Variants in DEPDC1B observed in about 807,000 individuals in gnomAD.
DEPDC1B encodes DEP domain containing 1B.
DEPDC1B carries 51 observed loss-of-function variants against 66.5 expected under a neutral mutation model. That is an observed-to-expected ratio of 0.77 (90% CI 0.61 to 0.97). DEPDC1B has a LOEUF of 0.97. Ranked by LOEUF, DEPDC1B falls within the 50% of genes least tolerant of loss-of-function variation. The probability of loss-of-function intolerance (pLI) is 0.00; values close to 1 mark genes in which losing one functional copy is unlikely to be tolerated. For synonymous variants in DEPDC1B, 226 were observed against 223.6 expected, an observed-to-expected ratio of 1.01 and a Z score of -0.10; for missense variants, 552 against 637.1, an observed-to-expected ratio of 0.87 and a Z score of 1.44.
At chr5:60,614,275 A>C (rs182266253) in intron 7 of DEPDC1B, among the ~76,000 whole-genome samples, 302 of 152,282 alleles carry the variant, frequency 2.0e-3, no homozygotes, top group Admixed American at 8.2e-3. Context: ...ACTTTTAAAA[A>C]TCACTTTAAT....
chr5:60,609,327 T>C (rs1752370863), intron 7 of DEPDC1B, among the ~76,000 whole-genome samples: 1 of 152,182 alleles, frequency 6.6e-6, no homozygotes, highest in South Asian at 2.1e-4. Flanking sequence ...CTGGGACTCC[T>C]CTACGATTTC....
At chr5:60,693,791 T>A (rs1282539808) in intron 1 of DEPDC1B, among the ~76,000 whole-genome samples, 2 of 152,122 alleles carry the variant, frequency 1.3e-5, no homozygotes, top group Non-Finnish European at 2.9e-5. Context: ...TTTTAATACA[T>A]GCCCTGATAC....
intron 2 of DEPDC1B, among the ~76,000 whole-genome samples, chr5:60,675,721 C>G (rs1754139693): frequency 6.6e-6 from 1 of 152,046 alleles, no homozygotes; most frequent in Admixed American, 6.6e-5. Context: ...CCTTCCTTTT[C>G]AGCCCCACGG....
intron 7 of DEPDC1B, 51 bp from the exon 8 acceptor site, chr5:60,605,907 A>G (rs1206979860): frequency 1.3e-6 from 2 of 1,487,386 alleles, no homozygotes; most frequent in Non-Finnish European, 1.8e-6. Flanking sequence ...AGCCTAGTAG[A>G]TTCTATATGG....
intron 1 of DEPDC1B, among the ~76,000 whole-genome samples, chr5:60,690,979 C>T (rs1401583255): frequency 1.3e-5 from 2 of 151,954 alleles, no homozygotes; most frequent in Non-Finnish European, 1.5e-5. Context: ...GCATGTACCC[C>T]GGATGTGTAG....
At chr5:60,636,243 T>A (rs1753041274) in intron 7 of DEPDC1B, among the ~76,000 whole-genome samples, 1 of 152,152 alleles carries the variant, frequency 6.6e-6, no homozygotes, top group Non-Finnish European at 1.5e-5. Flanking sequence ...ATTAAATAAT[T>A]TTTTTAATAT....
At position 60,597,916 on chromosome 5, in the gene DEPDC1B, TA is replaced by T. The variant is rs777872765; in HGVS notation, c.1429-3del. On this transcript the variant is annotated splice_region_variant and splice_polypyrimidine_tract_variant and intron_variant, in intron 10 of 10. Transcript: ENST00000265036. ...GACTTCAGGATAGGATTTCTGAAAC[TA>T]AAAAAATGAATGGTCCAAGAAGAGT... The T allele has an allele frequency of 5.7e-6, 9 of 1,587,664 alleles. No individual in the cohort carries two copies. The African/African-American group carries it at 9.6e-5, about 17-fold the overall frequency.
intron 7 of DEPDC1B, among the ~76,000 whole-genome samples, chr5:60,623,670 T>G (rs1482874431): frequency 6.6e-6 from 1 of 152,300 alleles, no homozygotes; most frequent in East Asian, 1.9e-4. Flanking sequence ...TCTCCAGTTA[T>G]TTAAGTCATC....
intron 7 of DEPDC1B, among the ~76,000 whole-genome samples, chr5:60,608,098 C>T (rs1157845306): frequency 6.6e-6 from 1 of 152,086 alleles, no homozygotes; most frequent in Admixed American, 6.5e-5. Flanking sequence ...AAGGGGAAAG[C>T]AGGGAAAAAG....
intron 1 of DEPDC1B, among the ~76,000 whole-genome samples, chr5:60,698,575 C>G (rs1339517212): frequency 1.3e-5 from 2 of 152,172 alleles, no homozygotes; most frequent in African/African-American, 4.8e-5. Context: ...TGACATGAGT[C>G]TAGCCCAGAT....
At chr5:60,680,207 G>A (rs1754266983) in intron 2 of DEPDC1B, among the ~76,000 whole-genome samples, 1 of 152,174 alleles carries the variant, frequency 6.6e-6, no homozygotes, top group Admixed American at 6.5e-5. Flanking sequence ...ACCATTTAGT[G>A]AAATCTAAAA....
intron 7 of DEPDC1B, among the ~76,000 whole-genome samples, chr5:60,637,448 C>T (rs1357093583): frequency 1.3e-5 from 2 of 152,224 alleles, no homozygotes; most frequent in African/African-American, 4.8e-5. Flanking sequence ...CAGAGGCAGA[C>T]ACTGCCATGC....
At chr5:60,624,245 A>G (rs1230435709) in intron 7 of DEPDC1B, among the ~76,000 whole-genome samples, 1 of 152,150 alleles carries the variant, frequency 6.6e-6, no homozygotes, top group Non-Finnish European at 1.5e-5. Context: ...AATCGTTGAG[A>G]TGGTCACATG....
At chr5:60,663,559 G>A (rs759688561) in intron 2 of DEPDC1B, among the ~76,000 whole-genome samples, 2 of 152,114 alleles carry the variant, frequency 1.3e-5, no homozygotes, top group Non-Finnish European at 2.9e-5. Flanking sequence ...CGTACATTCT[G>A]ACTCTCAATT....
chr5:60,685,437 T>C (rs1754391878), intron 2 of DEPDC1B, among the ~76,000 whole-genome samples: 1 of 152,132 alleles, frequency 6.6e-6, no homozygotes, highest in Non-Finnish European at 1.5e-5. Flanking sequence ...CTCACAAGAA[T>C]TCTATTAGAG....
chr5:60,657,060 T>G (rs964868035), intron 2 of DEPDC1B, among the ~76,000 whole-genome samples: 2 of 152,258 alleles, frequency 1.3e-5, no homozygotes, highest in Non-Finnish European at 2.9e-5. Flanking sequence ...TTTGTCTTTT[T>G]TAACTATTGT....
intron 2 of DEPDC1B, among the ~76,000 whole-genome samples, chr5:60,680,105 T>G (rs1197724947): frequency 6.6e-6 from 1 of 152,142 alleles, no homozygotes; most frequent in Non-Finnish European, 1.5e-5. Context: ...TATAAACATA[T>G]AAAGTAGTAT....
In DEPDC1B at chr5:60,620,673, T is replaced by C. The variant is rs560494263; in HGVS notation, c.899-14817A>G. Among the ~76,000 whole-genome samples, 9 of 152,244 alleles carry C rather than the reference T, an allele frequency of 5.9e-5. No individual in the cohort carries two copies. The South Asian group carries it at 1.7e-3, about 28-fold the overall frequency. On this transcript the variant is annotated intron_variant, in intron 7 of 10. Transcript: ENST00000265036. Reference sequence around the variant, plus strand: ...TGGAGAGGATGTGGAGAAATAGGAATGCTTTTACACTGTTGGTGGGACTGT... The same window carrying C: ...TGGAGAGGATGTGGAGAAATAGGAACGCTTTTACACTGTTGGTGGGACTGT...
intron 2 of DEPDC1B, chr5:60,648,287 T>C (rs1753367508): frequency 6.6e-6 from 1 of 152,184 alleles, no homozygotes; most frequent in African/African-American, 2.4e-5. Context: ...ACCAGAGGCA[T>C]CTAAGCAGAC....
Sources: gnomAD v4.1 joint callset for allele counts (sites outside exome capture counted in the v4.1 genomes callset) on GRCh38, gnomAD v4.1.1 for gene constraint, MANE v1.5 for transcripts, NCBI Gene and HGNC (gene_info 2026-07-23, HGNC 2026-07-21) for gene names.